PDE4DIP: variants seen among roughly 807,000 people sequenced by gnomAD.
PDE4DIP encodes the protein phosphodiesterase 4D interacting protein.
Under a neutral mutation model 221.4 loss-of-function variants are expected in PDE4DIP, and 59 were observed. The ratio of observed to expected loss-of-function variants is 0.27; its 90% confidence interval spans 0.22 to 0.33. The LOEUF is 0.33. Among genes scored for constraint, PDE4DIP ranks in the 10% least tolerant of loss-of-function variants. PDE4DIP has a pLI of 1.00. For missense variants in PDE4DIP, 1,036 were observed against 2,154.2 expected, an observed-to-expected ratio of 0.48 and a Z score of 10.28; for synonymous variants, 404 against 815.9, an observed-to-expected ratio of 0.50 and a Z score of 8.60.
In PDE4DIP at chr1:148,892,167, G is replaced by A. The variant is rs1464227046; in HGVS notation, c.141+2273G>A. On this transcript the variant is annotated intron_variant, in intron 1 of 43. Transcript: ENST00000369354. ...CTGCTACCACACCTGGCTAATTTTC[G>A]TATTTTTAATAGAGGCGGGGTTTTA... is the stretch of plus-strand genomic sequence containing the variant. 1.2e-4 allele frequency among the ~76,000 whole-genome samples: 14 copies of A among 119,818 alleles called. 4 individuals carry two copies. Among genetic ancestry groups the A allele is most frequent in the African/African-American group, 1.8e-4 (5 of 27,570 alleles). The allele number at this position is 119,818 out of a possible 152,430, so 78.6% of individuals were successfully genotyped here.
chr1:148,861,484 C>T (rs1261402566), intron 1 of PDE4DIP, among the ~76,000 whole-genome samples: 20 of 31,194 alleles, frequency 6.4e-4, no homozygotes, highest in African/African-American at 3.6e-3. Context: ...ACTAAAAATA[C>T]AAAATTAGCC....
chr1:149,020,660 A>G (rs1553617510), intron 36 of PDE4DIP: 1 of 360,992 alleles, frequency 2.8e-6, no homozygotes, highest in Middle Eastern at 8.4e-4. Context: ...TCTCACCATC[A>G]CCTAGGAAGC....
At position 148,980,147 on chromosome 1, in the gene PDE4DIP, A is replaced by G. The variant is rs147243861; in HGVS notation, c.2687+298A>G. 8.7e-3 allele frequency among the ~76,000 whole-genome samples: 1,319 copies of G among 152,352 alleles called. 12 individuals are homozygous for G. Among genetic ancestry groups the G allele is most frequent in the Admixed American group, 0.014 (211 of 15,302 alleles). On this transcript the variant is annotated intron_variant, in intron 20 of 43. Coordinates refer to ENST00000369354, the Ensembl canonical transcript of PDE4DIP. ...ATGCCTTGCATGTAGTAAGCACTCAATGTATGTTCATTTCTTTTCTGTGAT... is the reference window on the plus strand; with the variant it reads ...ATGCCTTGCATGTAGTAAGCACTCAGTGTATGTTCATTTCTTTTCTGTGAT...
chr1:149,023,838 ATATATACACC>A (rs1338384041), intron 37 of PDE4DIP, among the ~76,000 whole-genome samples: 2 of 135,652 alleles, frequency 1.5e-5, no homozygotes, highest in Middle Eastern at 4.0e-3. Flanking sequence ...ATGTGTGCAC[ATATATACACC>A]TATATATAGT....
intron 19 of PDE4DIP, 25 bp from the exon 23 acceptor site, chr1:148,979,712 T>C: frequency 6.2e-7 from 1 of 1,605,890 alleles, no homozygotes; most frequent in Non-Finnish European, 8.5e-7. Context: ...ATTTGCGTAT[T>C]GCTTCCTCTC....
intron 4 of PDE4DIP, among the ~76,000 whole-genome samples, chr1:148,933,037 C>A (rs1187461691): frequency 6.6e-6 from 1 of 152,068 alleles, no homozygotes; most frequent in East Asian, 1.9e-4. Context: ...TCTAGGACTT[C>A]CCAGCCTCCA....
At chr1:148,953,564 G>C (rs782133037) in intron 5 of PDE4DIP, 2 of 1,613,990 alleles carry the variant, frequency 1.2e-6, no homozygotes, top group South Asian at 1.1e-5. Context: ...TGAGGAGACT[G>C]AGAGAAGTGC....
In PDE4DIP at chr1:149,023,932, T is replaced by G. The variant is rs587727319; in HGVS notation, c.6086-513T>G. Among the ~76,000 whole-genome samples, 1,429 of 147,468 alleles carry G rather than the reference T, an allele frequency of 9.7e-3. 9 individuals carry two copies. Among genetic ancestry groups the G allele is most frequent in the South Asian group, 0.026 (119 of 4,562 alleles). ...ATATGTACACACACACACACATATA[T>G]ATAGAGAGAGAGAGAGAAAGAGAGA... On this transcript the variant is annotated intron_variant, in intron 37 of 43. Coordinates refer to ENST00000369354, the Ensembl canonical transcript of PDE4DIP.
At chr1:148,905,246 C>A (rs61812904) in intron 1 of PDE4DIP, among the ~76,000 whole-genome samples, 2 of 124,584 alleles carry the variant, frequency 1.6e-5, no homozygotes, top group South Asian at 5.6e-4. Context: ...TGCAGTGGTG[C>A]GATCTCGGCT....
chr1:148,933,124 T>G (rs2048440629), intron 4 of PDE4DIP, among the ~76,000 whole-genome samples: 1 of 152,148 alleles, frequency 6.6e-6, no homozygotes, highest in Admixed American at 6.5e-5. Flanking sequence ...CCAAAAAGAC[T>G]AAGATAATGC....
At chr1:149,005,982 G>A (rs1252253084) in intron 27 of PDE4DIP, among the ~76,000 whole-genome samples, 9 of 152,034 alleles carry the variant, frequency 5.9e-5, no homozygotes, top group East Asian at 3.9e-4. Flanking sequence ...AAAATACAAA[G>A]ATTAGCTGGG....
intron 41 of PDE4DIP, among the ~76,000 whole-genome samples, chr1:149,029,027 T>C (rs2075977017): frequency 6.6e-6 from 1 of 152,244 alleles, no homozygotes; most frequent in Non-Finnish European, 1.5e-5. Context: ...CTCTGAAGTT[T>C]GACTGAGCTG....
chr1:148,919,400 T>C (rs1427374142), intron 1 of PDE4DIP, among the ~76,000 whole-genome samples: 1 of 151,142 alleles, frequency 6.6e-6, no homozygotes, highest in Non-Finnish European at 1.5e-5. Context: ...TAAGGCTTCA[T>C]TTTTGCTCTA....
chr1:149,018,308 G>C, intron 34 of PDE4DIP: 1 of 445,646 alleles, frequency 2.2e-6, no homozygotes, highest in Non-Finnish European at 4.1e-6. Flanking sequence ...AGCAGCAGCT[G>C]TTTAGGGAGA....
intron 5 of PDE4DIP, chr1:148,939,765 G>A (rs587740935): frequency 6.6e-6 from 1 of 151,134 alleles, no homozygotes; most frequent in South Asian, 2.1e-4. Flanking sequence ...GATTATTTAA[G>A]CTGATAAGAA....
chr1:148,955,790 AC>A (rs1474951553), intron 5 of PDE4DIP, among the ~76,000 whole-genome samples: 18 of 152,066 alleles, frequency 1.2e-4, no homozygotes, highest in African/African-American at 4.3e-4. Context: ...CTAAATTTGG[AC>A]ATTAGAGCTT....
At chr1:148,990,565 T>C (rs1448059092) in intron 21 of PDE4DIP, among the ~76,000 whole-genome samples, 1 of 151,092 alleles carries the variant, frequency 6.6e-6, no homozygotes, top group Non-Finnish European at 1.5e-5. Flanking sequence ...GAGTCCAGAG[T>C]CTTGACTTAC....
At chr1:148,979,299 C>G (rs1168842461) in intron 19 of PDE4DIP, among the ~76,000 whole-genome samples, 2 of 152,184 alleles carry the variant, frequency 1.3e-5, no homozygotes, top group African/African-American at 2.4e-5. Context: ...TGACACACAT[C>G]TATGATTAAT....
chr1:149,021,481 G>A (rs2072904627), intron 37 of PDE4DIP: 1 of 195,656 alleles, frequency 5.1e-6, no homozygotes, highest in Non-Finnish European at 1.0e-5. Context: ...AATATTGTCG[G>A]TGATACATAC....
Sources: gnomAD v4.1 joint callset for allele counts (sites outside exome capture counted in the v4.1 genomes callset) on GRCh38, gnomAD v4.1.1 for gene constraint, MANE v1.5 for transcripts, NCBI Gene and HGNC (gene_info 2026-07-23, HGNC 2026-07-21) for gene names.